MICAL3: variants seen among roughly 807,000 people sequenced by gnomAD.
MICAL3 encodes [F-actin]-monooxygenase MICAL3.
Under a neutral mutation model 207.4 loss-of-function variants are expected in MICAL3, and 62 were observed. The observed-to-expected ratio is 0.30, with a 90% CI of 0.24 to 0.37. MICAL3 has a LOEUF of 0.37. MICAL3 is among the 10% of genes least tolerant of loss of function. The probability of loss-of-function intolerance (pLI) is 1.00; values close to 1 mark genes in which losing one functional copy is unlikely to be tolerated. For synonymous variants in MICAL3, 1,077 were observed against 1,069.3 expected, an observed-to-expected ratio of 1.01 and a Z score of -0.14; for missense variants, 2,368 against 2,635.6, an observed-to-expected ratio of 0.90 and a Z score of 2.22.
intron 16 of MICAL3, among the ~76,000 whole-genome samples, chr22:17,877,476 AGGGAGG>A (rs1240933898): frequency 6.1e-5 from 8 of 132,216 alleles, no homozygotes; most frequent in Non-Finnish European, 1.1e-4. Flanking sequence ...TATGGAGGTT[AGGGAGG>A]TTATGGAGGT....
intron 21 of MICAL3, among the ~76,000 whole-genome samples, chr22:17,829,746 A>G (rs1922594166): frequency 6.6e-6 from 1 of 152,248 alleles, no homozygotes; most frequent in African/African-American, 2.4e-5. Flanking sequence ...GGTTTCCTGC[A>G]TCAGAGAAGG....
In MICAL3 at chr22:17,891,614, C is replaced by T. The variant is rs760406964; in HGVS notation, c.1565G>A (p.Ser522Asn). ...LTRNESVARS[S>N]KLLGWCQRQT... ...CCTCTGGCACCAACCCAGCAGTTTGCTTGAACGAGCTACAGACTCTAAAAC... is the reference window on the plus strand; with the variant it reads ...CCTCTGGCACCAACCCAGCAGTTTGTTTGAACGAGCTACAGACTCTAAAAC... Residue 522 changes from serine (S) to asparagine (N), a missense_variant, in exon 12 of 32, where the codon AGC becomes AAC. Ser to Asn is a conservative substitution (Grantham distance 46). Around this residue, in one of 4 missense-constraint regions of MICAL3, gnomAD observed 147 missense variants for 137.7 expected, o/e 1.07. Coordinates refer to ENST00000441493, the MANE Select transcript of MICAL3 (RefSeq NM_015241.3). 1 of 1,613,978 alleles carries T rather than the reference C, an allele frequency of 6.2e-7. No individual in the cohort carries two copies. The highest frequency in any genetic ancestry group is 1.1e-5 in the South Asian group (1 of 91,072).
intron 1 of MICAL3, chr22:18,001,035 CTCCCCGCGCT>C (rs1017413695): frequency 6.6e-6 from 1 of 152,248 alleles, no homozygotes. Flanking sequence ...AGCGGGCAGC[CTCCCCGCGCT>C]TCCCCGCGCC....
chr22:17,870,705 A>G (rs554641407), intron 17 of MICAL3, among the ~76,000 whole-genome samples: 5 of 152,292 alleles, frequency 3.3e-5, no homozygotes, highest in South Asian at 4.1e-4. Flanking sequence ...GGTGTGTGTG[A>G]GAGGTGGAAC....
chr22:17,928,471 A>G (rs1233722173), intron 1 of MICAL3, among the ~76,000 whole-genome samples: 1 of 149,694 alleles, frequency 6.7e-6, no homozygotes, highest in African/African-American at 2.5e-5. Flanking sequence ...AAAGAAAGAA[A>G]CACCTGTCTG....
intron 19 of MICAL3, among the ~76,000 whole-genome samples, chr22:17,844,005 C>G (rs1924364320): frequency 6.6e-6 from 1 of 152,166 alleles, no homozygotes; most frequent in Admixed American, 6.5e-5. Flanking sequence ...TGCCACAGCA[C>G]CCGGCTAGTT....
chr22:17,833,810 AGTATTG>A (rs1923065356), intron 20 of MICAL3, among the ~76,000 whole-genome samples: 1 of 152,192 alleles, frequency 6.6e-6, no homozygotes, highest in African/African-American at 2.4e-5. Flanking sequence ...ACAGGGTCTT[AGTATTG>A]CTCAGGTGAG....
At chr22:17,952,483 G>A (rs1157321706) in intron 1 of MICAL3, among the ~76,000 whole-genome samples, 2 of 152,218 alleles carry the variant, frequency 1.3e-5, no homozygotes, top group Non-Finnish European at 2.9e-5. Flanking sequence ...GTCAACCTGG[G>A]TCCACCATGT....
At chr22:17,865,424 A>G (rs1451603642) in intron 18 of MICAL3, among the ~76,000 whole-genome samples, 1 of 152,188 alleles carries the variant, frequency 6.6e-6, no homozygotes, top group African/African-American at 2.4e-5. Context: ...TAAAAAGAGG[A>G]TAAGGAAGGA....
chr22:17,975,199 T>C (rs1413300528), intron 1 of MICAL3, among the ~76,000 whole-genome samples: 3 of 152,232 alleles, frequency 2.0e-5, no homozygotes, highest in South Asian at 2.1e-4. Flanking sequence ...GCCAGAACAA[T>C]GCAAGAAGCC....
intron 19 of MICAL3, chr22:17,861,177 A>T: frequency 1.0e-6 from 1 of 985,312 alleles, no homozygotes; most frequent in Non-Finnish European, 1.2e-6. Flanking sequence ...GTCAGGTGGG[A>T]ACCCTAGGGT....
chr22:17,816,706 T>G lies in MICAL3; in HGVS notation c.5429A>C (p.Gln1810Pro). 6.4e-7 allele frequency: 1 copy of G among 1,553,100 alleles called. No homozygotes were observed. The highest frequency in any genetic ancestry group is 1.2e-5 in the South Asian group (1 of 84,130). The change falls in exon 27 of 32, where the codon CAG becomes CCG. Residue 1810 changes from glutamine (Q) to proline (P), a missense_variant. Transcript: ENST00000441493. ...ACTACCCACCTCTCGCCGGGACTTC[T>G]GTGAGGACTTCTCAAGGACATCGTC... Reference protein sequence around the residue: ...SSDDVLEKSSQKSRREPRTYT... With the variant: ...SSDDVLEKSSPKSRREPRTYT...
intron 10 of MICAL3, 69 bp downstream of exon 10, chr22:17,895,210 GCATCT>G: frequency 1.4e-6 from 2 of 1,451,292 alleles, no homozygotes; most frequent in Non-Finnish European, 1.9e-6. Context: ...ATAGGTGCAC[GCATCT>G]CAACAGATCA....
rs779722441 is a variant in MICAL3, at chr22:17,906,598, C to T, written c.215G>A (p.Arg72Gln). 4.3e-6 allele frequency: 7 copies of T among 1,613,574 alleles called. No homozygotes were observed. The highest frequency in any genetic ancestry group is 5.9e-6 in the Non-Finnish European group (7 of 1,179,624). Residue 72 changes from arginine to glutamine, a missense_variant, in exon 2 of 32, where the codon CGG becomes CAG. By Grantham distance (43) the Arg-to-Gln change is conservative. Coordinates refer to ENST00000441493, the MANE Select transcript of MICAL3 (RefSeq NM_015241.3). ...CTTTTTGTAGTCTTTGTGACTGCCC[C>T]GTTTGTCCAATTTTGCCCAGAGGGC... ...AKALWAKLDKRGSHKDYKKGK... is the reference protein window; with the variant it reads ...AKALWAKLDKQGSHKDYKKGK...
rs1373096612 is a variant in MICAL3 at position 17,906,569 on chromosome 22, T to C, written c.244A>G (p.Lys82Glu). The C allele has an allele frequency of 6.2e-7, 1 of 1,612,054 alleles. No homozygotes were observed. The highest frequency in any genetic ancestry group is 2.2e-5 in the East Asian group (1 of 44,838). ...CTTACCTTGGTGTTAGTGCACGCTT[T>C]TCCCTTTTTGTAGTCTTTGTGACTG... is the stretch of plus-strand genomic sequence containing the variant. The part of the protein sequence containing the change: ...RGSHKDYKKG[K>E]ACTNTKCLII... Residue 82 changes from lysine (K) to glutamate (E), a missense_variant, in exon 2 of 32, where the codon AAA (lysine) becomes GAA (glutamate). Transcript: ENST00000441493.
At chr22:17,822,868 A>C in intron 23 of MICAL3, 79 bp downstream of exon 23, 1 of 924,048 alleles carries the variant, frequency 1.1e-6, no homozygotes, top group East Asian at 2.7e-5. Flanking sequence ...GGCCTCACTG[A>C]GCTTGATTTT....
rs147562352 is a variant in MICAL3 at position 17,987,984 on chromosome 22, C to T, written c.-75+36297G>A. Among the ~76,000 whole-genome samples the T allele has an allele frequency of 5.0e-3, 761 of 152,258 alleles. 4 individuals are homozygous for T. Among genetic ancestry groups the T allele is most frequent in the Non-Finnish European group, 8.7e-3 (589 of 68,010 alleles). On this transcript the variant is annotated intron_variant, in intron 1 of 31. Transcript: ENST00000441493. ...GGCTACCTGTGGCTCCACAAACAGG[C>T]GGGCAGGCTGCCCCAGTCACAGCAG... is the stretch of plus-strand genomic sequence containing the variant.
chr22:17,984,346 CCATA>C (rs1190772770), intron 1 of MICAL3, among the ~76,000 whole-genome samples: 1 of 152,382 alleles, frequency 6.6e-6, no homozygotes, highest in Non-Finnish European at 1.5e-5. Flanking sequence ...TCGACACATA[CCATA>C]CAGTGTTTCA....
chr22:17,935,379 C>T (rs1933466455), intron 1 of MICAL3, among the ~76,000 whole-genome samples: 1 of 152,112 alleles, frequency 6.6e-6, no homozygotes, highest in Non-Finnish European at 1.5e-5. Flanking sequence ...TAGCCATATG[C>T]AGAAAGCTGA....
Sources: gnomAD v4.1 joint callset for allele counts (sites outside exome capture counted in the v4.1 genomes callset) on GRCh38, gnomAD v4.1.1 for gene constraint, gnomAD v4.1.1 regional missense constraint, MANE v1.5 for transcripts, NCBI Gene and HGNC (gene_info 2026-07-23, HGNC 2026-07-21) for gene names.